Variants in LRRIQ3 observed in about 807,000 individuals in gnomAD.
LRRIQ3 encodes the protein leucine rich repeats and IQ motif containing 3.
A neutral mutation model predicts 59.3 loss-of-function variants in LRRIQ3; 75 were observed. The ratio of observed to expected loss-of-function variants is 1.26; its 90% CI spans 1.05 to 1.53. The LOEUF is 1.53. Ranked by LOEUF, LRRIQ3 falls within the 40% of genes most tolerant of loss-of-function variation. The pLI is 0.00. For synonymous variants in LRRIQ3, 250 were observed against 231.3 expected, an observed-to-expected ratio of 1.08 and a Z score of -0.73; for missense variants, 831 against 710.0, an observed-to-expected ratio of 1.17 and a Z score of -1.94.
At chr1:74,089,338 C>A (rs140734057) in intron 5 of LRRIQ3, among the ~76,000 whole-genome samples, 1 of 152,008 alleles carries the variant, frequency 6.6e-6, no homozygotes, top group African/African-American at 2.4e-5. Context: ...AACATATATT[C>A]ATTCAGCAAT....
At chr1:74,044,301 G>A (rs1461127892) in intron 6 of LRRIQ3, among the ~76,000 whole-genome samples, 6 of 152,074 alleles carry the variant, frequency 3.9e-5, no homozygotes, top group Non-Finnish European at 7.4e-5. Flanking sequence ...TGGGCCTAGT[G>A]AGAGGTGTTT....
Position 74,198,073 on chromosome 1 carries a change from C to T in LRRIQ3, c.-78G>A, listed in dbSNP as rs1570304381. 6.6e-6 allele frequency: 7 copies of T among 1,066,064 alleles called. No individual in the cohort carries two copies. The highest frequency in any genetic ancestry group is 9.1e-6 in the Non-Finnish European group (7 of 770,248). 66.0% of individuals were successfully genotyped at this position (1,066,064 alleles called of 1,614,324 possible). A position where few individuals can be genotyped will look rare whatever the true frequency, so the allele number is the denominator to read the frequency against. The stretch of plus-strand genomic sequence containing the variant: ...CAACACAGTCAGACAAATCGCTGGG[C>T]GGCCATCTGCTCCTGAGACCGTTGC... On this transcript the variant is annotated 5_prime_UTR_variant, in exon 1 of 8. Coordinates refer to ENST00000354431, the MANE Select transcript of LRRIQ3 (RefSeq NM_001105659.2).
At chr1:74,188,915 C>CA (rs1650578584) in intron 1 of LRRIQ3, among the ~76,000 whole-genome samples, 1 of 151,996 alleles carries the variant, frequency 6.6e-6, no homozygotes, top group Non-Finnish European at 1.5e-5. Context: ...TGCAAAACAA[C>CA]AAAAAAGGTT....
intron 5 of LRRIQ3, chr1:74,078,637 G>C (rs763614684): frequency 3.3e-5 from 5 of 151,870 alleles, no homozygotes; most frequent in Non-Finnish European, 7.4e-5. Context: ...TTGAGAAAGA[G>C]AGAAGCAATA....
At chr1:74,164,911 T>C (rs1255134999) in intron 3 of LRRIQ3, among the ~76,000 whole-genome samples, 1 of 151,556 alleles carries the variant, frequency 6.6e-6, no homozygotes, top group Non-Finnish European at 1.5e-5. Context: ...GGACCATTTA[T>C]TGAAAAGACT....
At chr1:74,050,388 T>C in intron 6 of LRRIQ3, 1 of 311,140 alleles carries the variant, frequency 3.2e-6, no homozygotes, top group Non-Finnish European at 4.7e-6. Context: ...TTCTTATATT[T>C]ATACCTTATA....
intron 6 of LRRIQ3, among the ~76,000 whole-genome samples, chr1:74,042,503 C>A (rs180879247): frequency 6.6e-6 from 1 of 152,046 alleles, no homozygotes; most frequent in Non-Finnish European, 1.5e-5. Context: ...TTGGCTATGA[C>A]TTAGTTATCT....
intron 7 of LRRIQ3, among the ~76,000 whole-genome samples, chr1:74,040,471 AAATC>A (rs1389030073): frequency 6.6e-6 from 1 of 152,222 alleles, no homozygotes; most frequent in Non-Finnish European, 1.5e-5. Context: ...TCTCTACACC[AAATC>A]AACAGAATAT....
At chr1:74,101,830 G>A (rs1055891276) in intron 5 of LRRIQ3, among the ~76,000 whole-genome samples, 14 of 152,126 alleles carry the variant, frequency 9.2e-5, no homozygotes, top group African/African-American at 2.9e-4. Context: ...AACACCGCAT[G>A]TTCTCACTCA....
At chr1:74,186,992 C>A (rs1650430395) in intron 1 of LRRIQ3, among the ~76,000 whole-genome samples, 1 of 151,344 alleles carries the variant, frequency 6.6e-6, no homozygotes, top group Non-Finnish European at 1.5e-5. Flanking sequence ...AAATTAAAAC[C>A]TTACTCCTGC....
intron 3 of LRRIQ3, among the ~76,000 whole-genome samples, chr1:74,161,354 G>A (rs544922176): frequency 4.6e-5 from 7 of 152,018 alleles, no homozygotes; most frequent in East Asian, 3.9e-4. Context: ...CATCGTATCC[G>A]ACAAAAAGTC....
In LRRIQ3 at chr1:74,065,229, C is replaced by A. The variant is rs141639171; in HGVS notation, c.997+9432G>T. ...AAAGCTCAACAAATGTTCATCCCAG[C>A]TTATGCTTGCATATCTTCAGTGAAG... On this transcript the variant is annotated intron_variant, in intron 6 of 7. Coordinates refer to ENST00000354431, the MANE Select transcript of LRRIQ3 (RefSeq NM_001105659.2). Among the ~76,000 whole-genome samples the A allele has an allele frequency of 3.8e-3, 576 of 152,190 alleles. 5 individuals are homozygous for A. Among genetic ancestry groups the A allele is most frequent in the African/African-American group, 0.013 (547 of 41,556 alleles).
intron 6 of LRRIQ3, 74 bp from the exon 7 acceptor site, chr1:74,042,007 A>C: frequency 7.4e-7 from 1 of 1,355,114 alleles, no homozygotes; most frequent in Non-Finnish European, 9.6e-7. Flanking sequence ...CAAATATATC[A>C]ATAAACTTGA....
At chr1:74,141,093 T>C (rs761375754) in intron 4 of LRRIQ3, among the ~76,000 whole-genome samples, 49 of 151,800 alleles carry the variant, frequency 3.2e-4, no homozygotes, top group Non-Finnish European at 6.5e-4. Context: ...AATTGAACTA[T>C]TATCTTCTTA....
chr1:74,030,508 G>A (rs531829592), intron 7 of LRRIQ3, among the ~76,000 whole-genome samples: 2 of 152,128 alleles, frequency 1.3e-5, no homozygotes, highest in South Asian at 4.2e-4. Flanking sequence ...CAATAAATGG[G>A]GAAAAGATTC....
intron 7 of LRRIQ3, among the ~76,000 whole-genome samples, chr1:74,035,632 A>G (rs1285838846): frequency 2.6e-5 from 4 of 152,170 alleles, no homozygotes; most frequent in African/African-American, 9.6e-5. Context: ...TCTTGAAAGG[A>G]AAGTTTTATG....
chr1:74,170,121 A>G (rs566388910), intron 3 of LRRIQ3, among the ~76,000 whole-genome samples: 8 of 152,234 alleles, frequency 5.3e-5, no homozygotes, highest in South Asian at 2.1e-4. Context: ...CTCCTAGTCT[A>G]TAAGTTGCCA....
intron 4 of LRRIQ3, among the ~76,000 whole-genome samples, chr1:74,152,095 A>G (rs927216682): frequency 5.3e-5 from 8 of 152,112 alleles, no homozygotes; most frequent in African/African-American, 1.9e-4. Flanking sequence ...ATAAAATTAC[A>G]CCTATTATTT....
Position 74,100,811 on chromosome 1 carries a change from G to A in LRRIQ3, c.867+8583C>T, listed in dbSNP as rs867590132. ...CTGACAAAAACAAGAAATGGGGAAA[G>A]GATTCCCTATTTAATACATGATGCT... On this transcript the variant is annotated intron_variant, in intron 5 of 7. Coordinates refer to ENST00000354431, the MANE Select transcript of LRRIQ3 (RefSeq NM_001105659.2). 1.4e-4 allele frequency among the ~76,000 whole-genome samples: 22 copies of A among 152,204 alleles called. No homozygotes were observed. The Middle Eastern group carries it at 0.014, about 94-fold the overall frequency.
Sources: allele counts gnomAD v4.1 joint callset (sites outside exome capture counted in the v4.1 genomes callset), GRCh38; gene constraint gnomAD v4.1.1; transcripts MANE v1.5; gene names NCBI Gene and HGNC (gene_info 2026-07-23, HGNC 2026-07-21).